FREM2: variants seen among roughly 807,000 people sequenced by gnomAD.
FREM2 encodes the protein FRAS1 related extracellular matrix 2, also known as FRAS1-related extracellular matrix protein 2.
In FREM2, 119 loss-of-function variants were observed where a neutral mutation model predicts 219.9. The observed-to-expected ratio is 0.54, with a 90% CI of 0.47 to 0.63. The LOEUF (loss-of-function observed/expected upper bound fraction) is 0.63. Ranked by LOEUF, FREM2 falls within the 30% of genes least tolerant of loss-of-function variation. FREM2 has a pLI of 0.00. For synonymous variants in FREM2, 1,562 were observed against 1,522.8 expected (o/e 1.03, Z -0.60); for missense variants, 4,030 against 3,993.6 (o/e 1.01, Z -0.25).
In FREM2 at chr13:38,813,981, A is replaced by G. The variant is rs575414943; in HGVS notation, c.6019+29173A>G. Among the ~76,000 whole-genome samples, 126 of 151,760 alleles carry G rather than the reference A, an allele frequency of 8.3e-4. No homozygotes were observed. The South Asian group carries it at 0.013, about 16-fold the overall frequency. Reference sequence around the variant, plus strand: ...GCTTGATCGATTCCAATATTAATAGACTCAGATGCATTCTTCATGATGTCG... The same window carrying G: ...GCTTGATCGATTCCAATATTAATAGGCTCAGATGCATTCTTCATGATGTCG... On this transcript the variant is annotated intron_variant, in intron 6 of 23. Transcript: ENST00000280481.
chr13:38,784,801 A>C lies in FREM2; in HGVS notation c.6012A>C (p.Lys2004Asn), dbSNP rs532760237. 1 of 1,614,142 alleles carries C rather than the reference A, an allele frequency of 6.2e-7. No individual in the cohort carries two copies. Among genetic ancestry groups the C allele is most frequent in the African/African-American group, 1.3e-5 (1 of 75,062 alleles). Residue 2004 changes from lysine to asparagine, a missense_variant, in exon 6 of 24, where the codon AAA becomes AAC. By Grantham distance (94) the Lys-to-Asn change is moderately conservative. Around this residue, in one of 2 missense-constraint regions of FREM2, gnomAD observed 3,102 missense variants for 2,950.7 expected, o/e 1.05. Transcript: ENST00000280481. ...PGAQVTIVPD[K>N]DDEPIFYFGD... ...CTCAAGTTACAATCGTTCCTGACAA[A>C]GATGATGGTGAGTACTAATTTACTT...
intron 16 of FREM2, among the ~76,000 whole-genome samples, chr13:38,866,578 G>T (rs1179982216): frequency 6.7e-6 from 1 of 149,892 alleles, no homozygotes; most frequent in African/African-American, 2.5e-5. Flanking sequence ...TGAGGCAGGA[G>T]AATCGCTTGA....
intron 6 of FREM2, among the ~76,000 whole-genome samples, chr13:38,829,159 A>G (rs778019621): frequency 1.8e-4 from 28 of 152,140 alleles, no homozygotes; most frequent in Non-Finnish European, 3.5e-4. Flanking sequence ...ACCATGCCCA[A>G]AGCCATACTG....
At chr13:38,850,379 G>A (rs1488213476) in intron 9 of FREM2, 144 bp downstream of exon 9, 9 of 722,560 alleles carry the variant, frequency 1.2e-5, no homozygotes, top group African/African-American at 8.7e-5. Flanking sequence ...AAGTGAAATC[G>A]ATTTTTAACA....
chr13:38,856,489 A>G (rs188129683), intron 12 of FREM2, among the ~76,000 whole-genome samples: 259 of 152,300 alleles, frequency 1.7e-3, no homozygotes, highest in Middle Eastern at 6.8e-3. Flanking sequence ...TCAAGGACTG[A>G]AGCCACTGAG....
intron 2 of FREM2, among the ~76,000 whole-genome samples, chr13:38,763,888 G>A (rs749813441): frequency 1.3e-5 from 2 of 152,196 alleles, no homozygotes; most frequent in Non-Finnish European, 2.9e-5. Flanking sequence ...ACCGGAAAAA[G>A]TATTTGTGAA....
At chr13:38,712,864 A>G (rs1425425148) in intron 2 of FREM2, among the ~76,000 whole-genome samples, 4 of 152,198 alleles carry the variant, frequency 2.6e-5, no homozygotes, top group African/African-American at 9.7e-5. Flanking sequence ...TTACTCCTAG[A>G]TAGTAACATG....
chr13:38,709,037 G>T (rs1190678943), intron 2 of FREM2, among the ~76,000 whole-genome samples: 1 of 152,182 alleles, frequency 6.6e-6, no homozygotes, highest in Non-Finnish European at 1.5e-5. Context: ...TGGGATTATA[G>T]GCATAAGCCA....
At chr13:38,832,336 A>G (rs925585744) in intron 6 of FREM2, among the ~76,000 whole-genome samples, 3 of 152,130 alleles carry the variant, frequency 2.0e-5, no homozygotes, top group African/African-American at 7.2e-5. Context: ...TTTTAATGAT[A>G]TTATTACAGG....
At chr13:38,701,221 C>G (rs1870330062) in intron 2 of FREM2, among the ~76,000 whole-genome samples, 1 of 151,982 alleles carries the variant, frequency 6.6e-6, no homozygotes, top group Non-Finnish European at 1.5e-5. Context: ...AGGCACTCAC[C>G]CAGGTGTTCT....
chr13:38,687,431 G>A lies in FREM2; in HGVS notation c.87G>A (p.Arg29=), dbSNP rs748310975. The A allele has an allele frequency of 5.7e-6, 9 of 1,575,574 alleles. No homozygotes were observed. In the South Asian group the frequency reaches 9.3e-5, roughly 16 times the overall value. Residue 29 remains arginine, a synonymous_variant, in exon 1 of 24, where the codon CGG becomes CGA. Transcript: ENST00000280481. ...AACCAGGACCGCCACCGCCGCCCCG[G>A]CTGCTGCTGCTGCTGCTGCTTCTCC... The part of the protein sequence containing the change: ...SFQPGPPPPP[R]LLLLLLLLLS...
intron 2 of FREM2, among the ~76,000 whole-genome samples, chr13:38,702,913 T>C (rs1371295074): frequency 6.6e-6 from 1 of 152,164 alleles, no homozygotes; most frequent in East Asian, 1.9e-4. Context: ...TCTTTGATTA[T>C]GCCTTTGGTG....
chr13:38,731,539 G>A (rs1201140380), intron 2 of FREM2, among the ~76,000 whole-genome samples: 5 of 152,178 alleles, frequency 3.3e-5, no homozygotes, highest in Admixed American at 6.5e-5. Context: ...TAACCACGCC[G>A]GACATGAAAA....
intron 6 of FREM2, among the ~76,000 whole-genome samples, chr13:38,798,233 A>T (rs1418818629): frequency 6.6e-6 from 1 of 152,058 alleles, no homozygotes; most frequent in Non-Finnish European, 1.5e-5. Context: ...TGAGATGATT[A>T]TATGGTTTAT....
At position 38,842,499 on chromosome 13, in the gene FREM2, A is replaced by G. The variant is rs74048360; in HGVS notation, c.6020-4074A>G. 4.2e-3 allele frequency among the ~76,000 whole-genome samples: 640 copies of G among 152,298 alleles called. 7 individuals carry two copies. Among genetic ancestry groups the G allele is most frequent in the African/African-American group, 0.014 (592 of 41,564 alleles). On this transcript the variant is annotated intron_variant, in intron 6 of 23. Transcript: ENST00000280481. ...CCATGGGACGTGGATTGATTAGGCA[A>G]TACAGCTCAGAAGAAAGATCTCATT...
intron 6 of FREM2, among the ~76,000 whole-genome samples, chr13:38,811,238 G>A (rs1245201982): frequency 6.6e-6 from 1 of 151,588 alleles, no homozygotes; most frequent in African/African-American, 2.4e-5. Context: ...TTTTGTCAAT[G>A]TTGTTTATCA....
chr13:38,726,752 C>T (rs892768724), intron 2 of FREM2, among the ~76,000 whole-genome samples: 2 of 152,182 alleles, frequency 1.3e-5, no homozygotes, highest in South Asian at 2.1e-4. Context: ...CTTCCCAACC[C>T]GGTCCTGTTG....
chr13:38,688,726 C>A lies in FREM2; in HGVS notation c.1382C>A (p.Ala461Glu). The A allele has an allele frequency of 1.2e-6, 2 of 1,613,924 alleles. No homozygotes were observed. The highest frequency in any genetic ancestry group is 4.5e-5 in the East Asian group (2 of 44,866). The change falls in exon 1 of 24, where the codon GCA becomes GAA. Residue 461 changes from alanine to glutamate, a missense_variant. Ala to Glu is a moderately radical substitution (Grantham distance 107, BLOSUM62 -1). This residue lies in a region of FREM2 where 3,102 missense variants were observed against 2,950.7 expected (regional missense o/e 1.05). Coordinates refer to ENST00000280481, the MANE Select transcript of FREM2 (RefSeq NM_207361.6). Reference protein sequence around the residue: ...EGQSRPLTGPAGSGPQNLVIS... With the variant: ...EGQSRPLTGPEGSGPQNLVIS... ...CAGTCTCGGCCCCTCACAGGCCCTG[C>A]AGGCAGTGGTCCGCAAAACTTGGTC...
At chr13:38,865,669 A>T (rs904665069) in intron 16 of FREM2, among the ~76,000 whole-genome samples, 5 of 152,210 alleles carry the variant, frequency 3.3e-5, no homozygotes, top group Non-Finnish European at 5.9e-5. Flanking sequence ...GTTGAATTGG[A>T]CTCAGAGGTG....
Sources: allele counts gnomAD v4.1 joint callset (sites outside exome capture counted in the v4.1 genomes callset), GRCh38; gene constraint gnomAD v4.1.1; regional missense constraint gnomAD v4.1.1; transcripts MANE v1.5; gene names NCBI Gene and HGNC (gene_info 2026-07-23, HGNC 2026-07-21).